The following IGHMBP2 variants were observed in gnomAD, a reference collection of about 807,000 sequenced individuals.
IGHMBP2 encodes immunoglobulin mu DNA binding protein 2, also known as DNA-binding protein SMUBP-2.
IGHMBP2 carries 81 observed loss-of-function variants against 96.0 expected under a neutral mutation model. That is an observed-to-expected ratio of 0.84 (90% confidence interval 0.71 to 1.01). The LOEUF (loss-of-function observed/expected upper bound fraction) is 1.01. IGHMBP2 is among the 50% of genes least tolerant of loss of function. The pLI is 0.00. For missense variants in IGHMBP2, 1,227 were observed against 1,306.3 expected, an observed-to-expected ratio of 0.94 and a Z score of 0.94; for synonymous variants, 557 against 548.9, an observed-to-expected ratio of 1.01 and a Z score of -0.21.
chr11:68,920,213 C>T (rs1858828693), intron 7 of IGHMBP2, among the ~76,000 whole-genome samples: 1 of 152,120 alleles, frequency 6.6e-6, no homozygotes, highest in East Asian at 1.9e-4. Flanking sequence ...ATGGTTCATC[C>T]ATGTTGTCCA....
In IGHMBP2 at chr11:68,930,131, C is replaced by T. The variant is rs190612033; in HGVS notation, c.1235+774C>T. 6.7e-4 allele frequency: 795 copies of T among 1,193,440 alleles called. 1 individual carries two copies. The highest frequency in any genetic ancestry group is 8.0e-4 in the Non-Finnish European group (756 of 944,336). 73.9% of individuals were successfully genotyped at this position (1,193,440 alleles called of 1,614,324 possible). A position where few individuals can be genotyped will look rare whatever the true frequency, so the allele number is the denominator to read the frequency against. ...GCATGGTATCCCTTGACTGCCCTTA[C>T]ACGAGGCCTGTGAACAGGGCCTGGC... On this transcript the variant is annotated intron_variant, in intron 8 of 14. Transcript: ENST00000255078.
chr11:68,933,188 A>C (rs935490404), intron 8 of IGHMBP2, 111 bp from the exon 9 acceptor site: 2 of 1,130,782 alleles, frequency 1.8e-6, no homozygotes, highest in Admixed American at 4.0e-5. Flanking sequence ...GTCAGAATCC[A>C]GGGGAGAGTT....
At chr11:68,927,779 ATTC>A (rs1368895493) in intron 7 of IGHMBP2, among the ~76,000 whole-genome samples, 1 of 152,212 alleles carries the variant, frequency 6.6e-6, no homozygotes, top group Non-Finnish European at 1.5e-5. Context: ...CTACCAGAGG[ATTC>A]CCAGACAGAT....
intron 4 of IGHMBP2, among the ~76,000 whole-genome samples, chr11:68,909,559 T>TA (rs1858350262): frequency 6.6e-6 from 1 of 152,150 alleles, no homozygotes; most frequent in Admixed American, 6.5e-5. Flanking sequence ...TCTTTTAGCT[T>TA]AGTACTTTGT....
intron 7 of IGHMBP2, among the ~76,000 whole-genome samples, chr11:68,924,336 C>T (rs538963776): frequency 1.3e-5 from 2 of 152,198 alleles, no homozygotes; most frequent in Non-Finnish European, 2.9e-5. Context: ...TTTGTGAGAC[C>T]TCTGGTTTGT....
chr11:68,910,108 A>G (rs967817358), intron 4 of IGHMBP2, among the ~76,000 whole-genome samples: 3 of 152,150 alleles, frequency 2.0e-5, no homozygotes, highest in East Asian at 1.9e-4. Flanking sequence ...GCTATTTTCT[A>G]TCATACTGTG....
intron 14 of IGHMBP2, 126 bp downstream of exon 14, chr11:68,938,480 T>C (rs1270505465): frequency 5.1e-6 from 4 of 779,976 alleles, no homozygotes; most frequent in Non-Finnish European, 6.1e-6. Context: ...TCCAGATACC[T>C]TCAGAAACAG....
rs192016105 is a variant in IGHMBP2 at position 68,909,177 on chromosome 11, G to C, written c.547+546G>C. Among the ~76,000 whole-genome samples the C allele has an allele frequency of 3.7e-5, 4 of 107,892 alleles. 1 individual carries two copies. Among genetic ancestry groups the C allele is most frequent in the Admixed American group, 2.6e-4 (3 of 11,420 alleles). 70.8% of individuals were successfully genotyped at this position (107,892 alleles called of 152,430 possible). ...TTAGTTAAAAAAATTTTTTTTTGGC[G>C]GGGGGGGTGGAGGGGGGGGGCGGAT... is the stretch of plus-strand genomic sequence containing the variant. On this transcript the variant is annotated intron_variant, in intron 4 of 14. Transcript: ENST00000255078.
At chr11:68,908,000 CTT>C (rs34242855) in intron 2 of IGHMBP2, 143 bp from the exon 3 acceptor site, 217 of 705,468 alleles carry the variant, frequency 3.1e-4, no homozygotes, top group East Asian at 4.6e-4. Context: ...AACTTACTTT[CTT>C]TTTTTTTTTT....
intron 2 of IGHMBP2, 104 bp downstream of exon 2, chr11:68,906,342 G>A (rs1858194465): frequency 8.0e-7 from 1 of 1,243,984 alleles, no homozygotes; most frequent in Admixed American, 1.7e-5. Flanking sequence ...GGAGAATAAA[G>A]CGTTGCAATG....
At chr11:68,913,671 C>T (rs553216104) in intron 5 of IGHMBP2, among the ~76,000 whole-genome samples, 26 of 150,674 alleles carry the variant, frequency 1.7e-4, no homozygotes, top group Non-Finnish European at 2.8e-4. Flanking sequence ...GTTATCCTAG[C>T]GCTTTGGGAG....
intron 11 of IGHMBP2, among the ~76,000 whole-genome samples, chr11:68,935,093 A>G (rs1339572104): frequency 6.6e-6 from 1 of 152,244 alleles, no homozygotes; most frequent in African/African-American, 2.4e-5. Flanking sequence ...GAAATGATCA[A>G]ATGCCAGGGA....
At chr11:68,928,434 A>G (rs754287312) in intron 7 of IGHMBP2, among the ~76,000 whole-genome samples, 1 of 152,204 alleles carries the variant, frequency 6.6e-6, no homozygotes, top group African/African-American at 2.4e-5. Flanking sequence ...TGTCTTCATC[A>G]TGGCATTATG....
At chr11:68,929,046 C>A in intron 7 of IGHMBP2, 137 bp from the exon 8 acceptor site, 1 of 864,318 alleles carries the variant, frequency 1.2e-6, no homozygotes, top group Non-Finnish European at 1.9e-6. Flanking sequence ...GTTTTTATTA[C>A]AAGATACAAA....
intron 5 of IGHMBP2, 110 bp downstream of exon 5, chr11:68,911,713 A>G: frequency 1.0e-6 from 1 of 1,003,134 alleles, no homozygotes; most frequent in Non-Finnish European, 1.6e-6. Flanking sequence ...TGGGTCAGGA[A>G]CATTACTGAG....
chr11:68,920,637 C>G (rs888285059), intron 7 of IGHMBP2, among the ~76,000 whole-genome samples: 1 of 152,078 alleles, frequency 6.6e-6, no homozygotes, highest in Non-Finnish European at 1.5e-5. Flanking sequence ...CACGTGCTAT[C>G]ACACCCTGCT....
At chr11:68,938,037 C>T in intron 13 of IGHMBP2, 145 bp from the exon 14 acceptor site, 1 of 851,756 alleles carries the variant, frequency 1.2e-6, no homozygotes, top group Non-Finnish European at 2.0e-6. Flanking sequence ...CTCCTGGCCG[C>T]AAGCAGTCCT....
chr11:68,929,838 GC>G, intron 8 of IGHMBP2: 1 of 978,944 alleles, frequency 1.0e-6, no homozygotes, highest in Non-Finnish European at 1.2e-6. Flanking sequence ...CAGTGGCCTG[GC>G]CCAGGCTGTC....
chr11:68,905,566 C>A (rs1037323781), intron 1 of IGHMBP2, among the ~76,000 whole-genome samples: 1 of 152,160 alleles, frequency 6.6e-6, no homozygotes, highest in African/African-American at 2.4e-5. Flanking sequence ...GTCTTCTGTT[C>A]TGTGTATGAA....
Sources: gnomAD v4.1 joint callset for allele counts (sites outside exome capture counted in the v4.1 genomes callset) on GRCh38, gnomAD v4.1.1 for gene constraint, MANE v1.5 for transcripts, NCBI Gene and HGNC (gene_info 2026-07-23, HGNC 2026-07-21) for gene names.